SDHAF3: variants seen among roughly 807,000 people sequenced by gnomAD.
SDHAF3 encodes the protein succinate dehydrogenase complex assembly factor 3, also known as succinate dehydrogenase assembly factor 3, mitochondrial.
A neutral mutation model predicts 11.5 loss-of-function variants in SDHAF3; 18 were observed. The observed-to-expected ratio is 1.56, with a 90% CI of 1.08 to 2.32. The LOEUF (loss-of-function observed/expected upper bound fraction) is 2.32. Ranked by LOEUF, SDHAF3 falls within the 30% of genes most tolerant of loss-of-function variation. The pLI, the probability that SDHAF3 is intolerant of heterozygous loss-of-function variation, is 0.00. For missense variants in SDHAF3, 200 were observed against 154.4 expected, an observed-to-expected ratio of 1.30 and a Z score of -1.57; for synonymous variants, 72 against 59.3, an observed-to-expected ratio of 1.21 and a Z score of -0.99.
At position 97,125,593 on chromosome 7, in the gene SDHAF3, C is replaced by A. The variant is rs182726739; in HGVS notation, c.174+7696C>A. 1.1e-4 allele frequency among the ~76,000 whole-genome samples: 17 copies of A among 152,288 alleles called. No individual in the cohort carries two copies. In the East Asian group the frequency reaches 3.1e-3, roughly 28 times the overall value. On this transcript the variant is annotated intron_variant, in intron 1 of 1. Transcript: ENST00000432641. The stretch of plus-strand genomic sequence containing the variant: ...TTATTTCAGTAAGTTGATCTTCAAT[C>A]TCTGATATCCTTTCTTCCTCTTTGT...
At chr7:97,133,648 A>AT (rs1791703503) in intron 1 of SDHAF3, among the ~76,000 whole-genome samples, 1 of 151,974 alleles carries the variant, frequency 6.6e-6, no homozygotes, top group African/African-American at 2.4e-5. Flanking sequence ...CTTCTTACTT[A>AT]TTTTTCCTAG....
intron 1 of SDHAF3, among the ~76,000 whole-genome samples, chr7:97,155,306 A>G (rs1226674153): frequency 2.0e-5 from 3 of 152,196 alleles, no homozygotes; most frequent in Non-Finnish European, 4.4e-5. Context: ...TCTCAGTAAT[A>G]ATGTTTCAAG....
intron 1 of SDHAF3, among the ~76,000 whole-genome samples, chr7:97,160,101 C>T (rs1020219353): frequency 9.3e-5 from 14 of 150,742 alleles, no homozygotes; most frequent in East Asian, 2.0e-4. Context: ...CGCCTCTGCC[C>T]GGCCGTCCCA....
At chr7:97,159,438 C>G (rs1189630071) in intron 1 of SDHAF3, among the ~76,000 whole-genome samples, 2 of 152,186 alleles carry the variant, frequency 1.3e-5, no homozygotes, top group African/African-American at 4.8e-5. Flanking sequence ...CCCCCAATAT[C>G]CCTTGCCCCA....
chr7:97,120,101 A>G lies in SDHAF3; in HGVS notation c.174+2204A>G, dbSNP rs371781597. 2.0e-5 allele frequency among the ~76,000 whole-genome samples: 3 copies of G among 152,062 alleles called. No individual in the cohort carries two copies. The South Asian group carries it at 6.2e-4, about 32-fold the overall frequency. On this transcript the variant is annotated intron_variant, in intron 1 of 1. Transcript: ENST00000432641. Reference sequence around the variant, plus strand: ...TGATTACTAGTCTTAGCATTCATTGATGGATTTTGCCATTGTGTTCCAATG... The same window carrying G: ...TGATTACTAGTCTTAGCATTCATTGGTGGATTTTGCCATTGTGTTCCAATG...
chr7:97,164,366 G>A (rs1278841272), intron 1 of SDHAF3, among the ~76,000 whole-genome samples: 1 of 148,246 alleles, frequency 6.7e-6, no homozygotes, highest in Non-Finnish European at 1.5e-5. Flanking sequence ...AACTAAAGGT[G>A]TATTGGTTCA....
At chr7:97,158,901 C>T (rs900086600) in intron 1 of SDHAF3, among the ~76,000 whole-genome samples, 3 of 152,082 alleles carry the variant, frequency 2.0e-5, no homozygotes, top group Non-Finnish European at 4.4e-5. Flanking sequence ...GTGTAAGGCT[C>T]AATGTAAATT....
intron 1 of SDHAF3, among the ~76,000 whole-genome samples, chr7:97,131,177 G>C (rs934075477): frequency 2.6e-5 from 4 of 152,196 alleles, no homozygotes; most frequent in African/African-American, 9.7e-5. Context: ...CTTTTGTGCT[G>C]TAAGATGATT....
intron 1 of SDHAF3, among the ~76,000 whole-genome samples, chr7:97,143,523 T>C (rs1319925679): frequency 6.6e-6 from 1 of 152,174 alleles, no homozygotes. Flanking sequence ...CCTCACAGCT[T>C]AGCTCCCACA....
chr7:97,176,703 A>G (rs1473378507), intron 1 of SDHAF3, among the ~76,000 whole-genome samples: 1 of 152,084 alleles, frequency 6.6e-6, no homozygotes, highest in African/African-American at 2.4e-5. Context: ...CAAGATGTTC[A>G]TTCATTGATC....
At chr7:97,154,527 C>A (rs757719805) in intron 1 of SDHAF3, among the ~76,000 whole-genome samples, 5 of 151,774 alleles carry the variant, frequency 3.3e-5, no homozygotes, top group Non-Finnish European at 7.4e-5. Flanking sequence ...AAATGCTAGT[C>A]CTTTGTCAGT....
rs772590240 is a variant in SDHAF3, at chr7:97,167,253, G to A, written c.175-13759G>A. Among the ~76,000 whole-genome samples the A allele has an allele frequency of 1.2e-4, 18 of 152,054 alleles. No homozygotes were observed. The East Asian group carries it at 3.1e-3, about 26-fold the overall frequency. ...TAGTGAGTTCTCACAAGATCTGATG[G>A]TTTAAAAGTGTGTAGCACTTCCCCC... On this transcript the variant is annotated intron_variant, in intron 1 of 1. Transcript: ENST00000432641.
chr7:97,142,914 T>TG (rs1789075530), intron 1 of SDHAF3: 2 of 149,248 alleles, frequency 1.3e-5, no homozygotes, highest in Admixed American at 1.3e-4. Context: ...TTTTTTTTTT[T>TG]TAGACAGAGT....
chr7:97,181,334 AT>A lies in SDHAF3; in HGVS notation c.*123del. ...CCTGTTATTAATGAAATACTCTTTT[AT>A]TTTGGATATTATGATTGCAGTATAT... On this transcript the variant is annotated 3_prime_UTR_variant, in exon 2 of 2. Coordinates refer to ENST00000432641, the MANE Select transcript of SDHAF3 (RefSeq NM_020186.3). 1.4e-6 allele frequency: 1 copy of A among 726,462 alleles called. No homozygotes were observed. Among genetic ancestry groups the A allele is most frequent in the South Asian group, 2.1e-5 (1 of 47,046 alleles). 45.0% of individuals were successfully genotyped at this position (726,462 alleles called of 1,614,324 possible). A position where few individuals can be genotyped will look rare whatever the true frequency, so the allele number is the denominator to read the frequency against.
At chr7:97,169,758 TTA>T (rs1351775886) in intron 1 of SDHAF3, among the ~76,000 whole-genome samples, 1 of 152,026 alleles carries the variant, frequency 6.6e-6, no homozygotes, top group Non-Finnish European at 1.5e-5. Context: ...AAAGAAAAAA[TTA>T]TAGTTTTGAA....
At chr7:97,153,425 G>A (rs1789255738) in intron 1 of SDHAF3, among the ~76,000 whole-genome samples, 1 of 152,138 alleles carries the variant, frequency 6.6e-6, no homozygotes, top group South Asian at 2.1e-4. Context: ...TTGTCTGGGT[G>A]TACTGCAGTT....
At chr7:97,138,554 G>C (rs1880732) in intron 1 of SDHAF3, among the ~76,000 whole-genome samples, 61,393 of 151,912 alleles carry the variant, frequency 0.4, 12,612 homozygotes, top group East Asian at 0.49. Flanking sequence ...TTTAATATGA[G>C]TAACACTTTT....
At chr7:97,154,845 A>G (rs1789278332) in intron 1 of SDHAF3, among the ~76,000 whole-genome samples, 1 of 152,102 alleles carries the variant, frequency 6.6e-6, no homozygotes, top group Non-Finnish European at 1.5e-5. Context: ...AGGTTTATTT[A>G]TTTTTTGCTT....
intron 1 of SDHAF3, among the ~76,000 whole-genome samples, chr7:97,163,063 A>G (rs567219488): frequency 1.3e-5 from 2 of 150,890 alleles, no homozygotes; most frequent in Non-Finnish European, 3.0e-5. Flanking sequence ...TGTTTTATGA[A>G]TTTGGGTGCA....
Sources: allele counts gnomAD v4.1 joint callset (sites outside exome capture counted in the v4.1 genomes callset), GRCh38; gene constraint gnomAD v4.1.1; transcripts MANE v1.5; gene names NCBI Gene and HGNC (gene_info 2026-07-23, HGNC 2026-07-21).